CSMD3: variants seen among roughly 807,000 people sequenced by gnomAD.
CSMD3 encodes the protein CUB and sushi domain-containing protein 3.
CSMD3 carries 177 observed loss-of-function variants against 435.2 expected under a neutral mutation model. The ratio of observed to expected loss-of-function variants is 0.41; its 90% CI spans 0.36 to 0.46. The LOEUF (loss-of-function observed/expected upper bound fraction) is 0.46, where lower values mean the gene tolerates loss of function less well. CSMD3 is among the 20% of genes least tolerant of loss of function. CSMD3 has a pLI of 0.34. For missense variants in CSMD3, 4,265 were observed against 4,504.6 expected, an observed-to-expected ratio of 0.95 and a Z score of 1.52; for synonymous variants, 1,656 against 1,520.5, an observed-to-expected ratio of 1.09 and a Z score of -2.07.
At chr8:112,520,588 T>A (rs1451316256) in intron 27 of CSMD3, among the ~76,000 whole-genome samples, 2 of 151,992 alleles carry the variant, frequency 1.3e-5, no homozygotes, top group Non-Finnish European at 2.9e-5. Flanking sequence ...ACAATTTGTA[T>A]CCATTTATTA....
intron 12 of CSMD3, among the ~76,000 whole-genome samples, chr8:112,817,536 A>G (rs2132418283): frequency 6.6e-6 from 1 of 152,232 alleles, no homozygotes; most frequent in Admixed American, 6.6e-5. Context: ...TCAAGTTCAT[A>G]TTCTGATCTC....
At chr8:112,432,870 G>T (rs1813860059) in intron 32 of CSMD3, among the ~76,000 whole-genome samples, 1 of 149,556 alleles carries the variant, frequency 6.7e-6, no homozygotes, top group South Asian at 2.1e-4. Context: ...GAGCCCAGGA[G>T]TTCAAGACCA....
chr8:113,150,374 C>T (rs117818743), intron 4 of CSMD3, among the ~76,000 whole-genome samples: 146 of 152,002 alleles, frequency 9.6e-4, no homozygotes, highest in Admixed American at 1.8e-3. Context: ...TACTGTTGAA[C>T]TTAAAAAAGC....
At chr8:112,594,775 G>T (rs1186678710) in intron 22 of CSMD3, among the ~76,000 whole-genome samples, 1 of 151,986 alleles carries the variant, frequency 6.6e-6, no homozygotes, top group East Asian at 1.9e-4. Context: ...CACACGGCAG[G>T]GTACTCCAAC....
At chr8:112,890,138 C>T (rs1315749857) in intron 10 of CSMD3, among the ~76,000 whole-genome samples, 1 of 151,558 alleles carries the variant, frequency 6.6e-6, no homozygotes, top group Non-Finnish European at 1.5e-5. Flanking sequence ...GGTTTATTTT[C>T]CCATTAAAAT....
At chr8:113,195,652 T>C (rs2092642984) in intron 3 of CSMD3, among the ~76,000 whole-genome samples, 1 of 150,446 alleles carries the variant, frequency 6.6e-6, no homozygotes, top group African/African-American at 2.4e-5. Context: ...TTTCCCACCA[T>C]CATGATGAGA....
chr8:112,660,703 A>G (rs2075359244), intron 17 of CSMD3, among the ~76,000 whole-genome samples: 1 of 152,172 alleles, frequency 6.6e-6, no homozygotes, highest in Admixed American at 6.6e-5. Flanking sequence ...GACTTAATTT[A>G]TTTTATTTAT....
chr8:113,024,576 C>T (rs2086804042), intron 5 of CSMD3, among the ~76,000 whole-genome samples: 1 of 152,066 alleles, frequency 6.6e-6, no homozygotes, highest in African/African-American at 2.4e-5. Flanking sequence ...CTTGTCAACA[C>T]TGTAGAAGGG....
chr8:112,378,984 T>C (rs558247457), intron 38 of CSMD3, among the ~76,000 whole-genome samples: 1 of 151,796 alleles, frequency 6.6e-6, no homozygotes, highest in South Asian at 2.1e-4. Flanking sequence ...CTGTTAGAAC[T>C]AATAAATGAA....
At chr8:112,238,703 T>C (rs1586491571) in intron 66 of CSMD3, among the ~76,000 whole-genome samples, 1 of 151,668 alleles carries the variant, frequency 6.6e-6, no homozygotes, top group Non-Finnish European at 1.5e-5. Context: ...TTAAAAATTA[T>C]AAATTTTTAA....
intron 13 of CSMD3, among the ~76,000 whole-genome samples, chr8:112,699,073 A>G (rs1017574759): frequency 5.9e-5 from 9 of 152,134 alleles, no homozygotes; most frequent in African/African-American, 2.2e-4. Context: ...GTGGGGCCAA[A>G]TAAGGGAATA....
At chr8:112,872,459 G>A (rs777688135) in intron 10 of CSMD3, among the ~76,000 whole-genome samples, 5 of 151,962 alleles carry the variant, frequency 3.3e-5, no homozygotes, top group Non-Finnish European at 7.4e-5. Context: ...GAAGCAGACT[G>A]CACAGAATCA....
At chr8:112,799,303 G>A (rs577555068) in intron 13 of CSMD3, among the ~76,000 whole-genome samples, 2 of 151,894 alleles carry the variant, frequency 1.3e-5, no homozygotes, top group African/African-American at 4.8e-5. Flanking sequence ...GACAGTGTTT[G>A]TAAGAGAAAA....
chr8:113,222,190 T>C (rs1259960039), intron 3 of CSMD3, among the ~76,000 whole-genome samples: 1 of 151,316 alleles, frequency 6.6e-6, no homozygotes, highest in African/African-American at 2.4e-5. Flanking sequence ...AAATTCTTAT[T>C]TTCTATAATG....
At chr8:113,281,577 C>T (rs1339851903) in intron 2 of CSMD3, among the ~76,000 whole-genome samples, 1 of 151,796 alleles carries the variant, frequency 6.6e-6, no homozygotes, top group African/African-American at 2.4e-5. Flanking sequence ...CTCCTGAAGG[C>T]AGCAGATAGT....
intron 4 of CSMD3, among the ~76,000 whole-genome samples, chr8:113,162,330 G>A (rs969060372): frequency 1.9e-4 from 29 of 151,912 alleles, no homozygotes; most frequent in African/African-American, 7.0e-4. Flanking sequence ...AATCCCAGGC[G>A]TGAGGCAGGT....
chr8:112,481,281 A>C (rs1278326347), intron 31 of CSMD3, among the ~76,000 whole-genome samples: 1 of 152,194 alleles, frequency 6.6e-6, no homozygotes, highest in Non-Finnish European at 1.5e-5. Context: ...GAAATTTCAA[A>C]ACATTTATGT....
chr8:112,504,700 A>G (rs1822325128), intron 29 of CSMD3, among the ~76,000 whole-genome samples: 1 of 152,156 alleles, frequency 6.6e-6, no homozygotes, highest in East Asian at 1.9e-4. Context: ...TAATATTGCA[A>G]GATTTGCATA....
Position 112,244,491 on chromosome 8 carries a change from A to T in CSMD3, c.10305T>A (p.Ile3435=), listed in dbSNP as rs1441005779. 1 of 1,612,624 alleles carries T rather than the reference A, an allele frequency of 6.2e-7. No individual in the cohort carries two copies. Among genetic ancestry groups the T allele is most frequent in the Non-Finnish European group, 8.5e-7 (1 of 1,178,656 alleles). Residue 3435 remains isoleucine (I), a synonymous_variant, in exon 65 of 71, where the codon ATT becomes ATA. Coordinates refer to ENST00000297405, the MANE Select transcript of CSMD3 (RefSeq NM_198123.2). ...MDLPSHGYTL[I]YTCQPGFFLA... ...AGAAGAAGCCAGGCTGACAGGTATA[A>T]ATCAGTGTATACCCATGAGATGGAA...
Sources: gnomAD v4.1 joint callset for allele counts (sites outside exome capture counted in the v4.1 genomes callset) on GRCh38, gnomAD v4.1.1 for gene constraint, MANE v1.5 for transcripts, NCBI Gene and HGNC (gene_info 2026-07-23, HGNC 2026-07-21) for gene names.